Variants in ITGB3 observed in about 807,000 individuals in gnomAD.
ITGB3 encodes integrin subunit beta 3, also known as integrin beta-3.
ITGB3 carries 48 observed loss-of-function variants against 85.8 expected under a neutral mutation model. The ratio of observed to expected loss-of-function variants is 0.56; its 90% CI spans 0.44 to 0.71. The LOEUF is 0.71. Ranked by LOEUF, ITGB3 falls within the 30% of genes least tolerant of loss-of-function variation. The probability of loss-of-function intolerance (pLI) is 0.00; values close to 1 mark genes in which losing one functional copy is unlikely to be tolerated. For missense variants in ITGB3, 861 were observed against 1,019.1 expected, an observed-to-expected ratio of 0.84 and a Z score of 2.11; for synonymous variants, 363 against 395.6, an observed-to-expected ratio of 0.92 and a Z score of 0.98.
chr17:47,312,258 A>G lies in ITGB3; in HGVS notation c.*2054A>G, dbSNP rs936448969. ...TCCACATATTAGGGAAGAGGAATCC[A>G]TAAGTAGCTGAAATATCTATTCTGT... On this transcript the variant is annotated 3_prime_UTR_variant, in exon 15 of 15. Coordinates refer to ENST00000559488, the MANE Select transcript of ITGB3 (RefSeq NM_000212.3). Among the ~76,000 whole-genome samples, 1 of 152,246 alleles carries G rather than the reference A, an allele frequency of 6.6e-6. No homozygotes were observed. The highest frequency in any genetic ancestry group is 1.5e-5 in the Non-Finnish European group (1 of 68,040).
chr17:47,254,968 A>T (rs1484509888), intron 1 of ITGB3, among the ~76,000 whole-genome samples: 1 of 151,270 alleles, frequency 6.6e-6, no homozygotes, highest in Non-Finnish European at 1.5e-5. Context: ...ATTTTATTTT[A>T]TTATTTATTT....
rs2065219365 is a variant in ITGB3 at position 47,312,499 on chromosome 17, C to T, written c.*2295C>T. 6.6e-6 allele frequency among the ~76,000 whole-genome samples: 1 copy of T among 152,172 alleles called. No individual in the cohort carries two copies. Among genetic ancestry groups the T allele is most frequent in the African/African-American group, 2.4e-5 (1 of 41,438 alleles). Reference sequence around the variant, plus strand: ...TCATGCCTGTAATTATAACCTTCAGCTACTAAGACAGGTGTGGTGGCTCAC... The same window carrying T: ...TCATGCCTGTAATTATAACCTTCAGTTACTAAGACAGGTGTGGTGGCTCAC... On this transcript the variant is annotated 3_prime_UTR_variant, in exon 15 of 15. Transcript: ENST00000559488.
At chr17:47,278,406 C>A (rs1017647910) in intron 2 of ITGB3, among the ~76,000 whole-genome samples, 3 of 152,080 alleles carry the variant, frequency 2.0e-5, no homozygotes, top group Admixed American at 6.6e-5. Flanking sequence ...CATGGCAAAA[C>A]CCCGTCTCTA....
intron 1 of ITGB3, among the ~76,000 whole-genome samples, chr17:47,269,476 A>G (rs1179110514): frequency 6.6e-6 from 1 of 152,200 alleles, no homozygotes; most frequent in Non-Finnish European, 1.5e-5. Flanking sequence ...GCTCTAGGGC[A>G]GGGGCAAAAT....
chr17:47,299,666 G>A lies in ITGB3; in HGVS notation c.1913+136G>A. On this transcript the variant is annotated intron_variant, in intron 11 of 14. Coordinates refer to ENST00000559488, the MANE Select transcript of ITGB3 (RefSeq NM_000212.3). This position sits in a 1 kb window ranked among gnomAD's most constrained non-coding sequence, Gnocchi z 5.1. ...AGGAGTCCACTCCAGCCAGATGGCT[G>A]TCTCTCCTTTTGCCAAAGGCTTTGG... The A allele has an allele frequency of 1.2e-6, 1 of 863,928 alleles. No homozygotes were observed. The highest frequency in any genetic ancestry group is 1.9e-6 in the Non-Finnish European group (1 of 532,836). 53.5% of individuals were successfully genotyped at this position (863,928 alleles called of 1,614,324 possible).
chr17:47,266,409 G>A (rs1454059826), intron 1 of ITGB3, among the ~76,000 whole-genome samples: 3 of 152,086 alleles, frequency 2.0e-5, no homozygotes, highest in Admixed American at 2.0e-4. Context: ...GACGCATTAT[G>A]ACTTCCACTG....
At chr17:47,271,193 AT>A (rs1204362372) in intron 1 of ITGB3, among the ~76,000 whole-genome samples, 2 of 152,166 alleles carry the variant, frequency 1.3e-5, no homozygotes, top group African/African-American at 4.8e-5. Flanking sequence ...GAGTTAAATG[AT>A]TCACCCATGG....
At chr17:47,305,977 A>G (rs1405228718) in intron 13 of ITGB3, among the ~76,000 whole-genome samples, 1 of 152,198 alleles carries the variant, frequency 6.6e-6, no homozygotes, top group Non-Finnish European at 1.5e-5. Context: ...TACTATCTTC[A>G]TTTTAAAGAT....
intron 10 of ITGB3, among the ~76,000 whole-genome samples, chr17:47,295,912 C>T (rs952339690): frequency 6.6e-6 from 1 of 152,234 alleles, no homozygotes; most frequent in Non-Finnish European, 1.5e-5. Flanking sequence ...TAGATGTTGG[C>T]CAATGACTGA....
chr17:47,290,073 C>G, intron 7 of ITGB3, 112 bp from the exon 8 acceptor site: 1 of 871,460 alleles, frequency 1.1e-6, no homozygotes. Flanking sequence ...TTGAAATATC[C>G]CGTACCTTCC....
chr17:47,302,885 G>C, intron 13 of ITGB3, 45 bp downstream of exon 13: 1 of 1,611,400 alleles, frequency 6.2e-7, no homozygotes, highest in Non-Finnish European at 8.5e-7. Context: ...AGGAGGGAGA[G>C]GGAGAACCAT....
chr17:47,262,203 G>A (rs578231919), intron 1 of ITGB3, among the ~76,000 whole-genome samples: 1 of 152,322 alleles, frequency 6.6e-6, no homozygotes, highest in Non-Finnish European at 1.5e-5. Flanking sequence ...TGGCAGTAAG[G>A]ACTGGTGTTA....
chr17:47,290,472 G>GGA (rs34882712), intron 8 of ITGB3, among the ~76,000 whole-genome samples, 198 bp downstream of exon 8: 1 of 146,310 alleles, frequency 6.8e-6, no homozygotes, highest in South Asian at 2.2e-4. Context: ...AAGGAAGGAA[G>GGA]AGAGAAAGAA....
chr17:47,274,580 T>C, intron 2 of ITGB3, 76 bp downstream of exon 2: 4 of 1,252,160 alleles, frequency 3.2e-6, no homozygotes, highest in Non-Finnish European at 4.7e-6. Flanking sequence ...CATGAAGTTA[T>C]CACCTCCCTC....
intron 1 of ITGB3, among the ~76,000 whole-genome samples, chr17:47,260,633 G>C (rs1190719519): frequency 6.6e-6 from 1 of 152,118 alleles, no homozygotes; most frequent in Non-Finnish European, 1.5e-5. Flanking sequence ...TTGAACTCCA[G>C]GTTGAGCCTT....
rs1555574002 is a variant in ITGB3, at chr17:47,308,189, A to ATAATAATAATAATAATAAT, written c.2301+552_2301+553insTAATAATAATAATAATAAT. On this transcript the variant is annotated intron_variant, in intron 14 of 14. Coordinates refer to ENST00000559488, the MANE Select transcript of ITGB3 (RefSeq NM_000212.3). ...AATAATAATAATAATAATAATAATAAAATAAAATAAAAGGTTACTTCCAAA... is the reference window on the plus strand; with the variant it reads ...AATAATAATAATAATAATAATAATAATAATAATAATAATAATAATAATAAAATAAAAGGTTACTTCCAAA... Among the ~76,000 whole-genome samples the ATAATAATAATAATAATAAT allele has an allele frequency of 2.6e-3, 343 of 134,206 alleles. 1 individual carries two copies. Among genetic ancestry groups the ATAATAATAATAATAATAAT allele is most frequent in the Non-Finnish European group, 4.5e-3 (277 of 61,558 alleles). The allele number at this position is 134,206 out of a possible 152,430, so 88.0% of individuals were successfully genotyped here. A position where few individuals can be genotyped will look rare whatever the true frequency, so the allele number is the denominator to read the frequency against.
chr17:47,308,763 T>C (rs563991672), intron 14 of ITGB3, among the ~76,000 whole-genome samples: 10 of 152,300 alleles, frequency 6.6e-5, no homozygotes, highest in Non-Finnish European at 1.2e-4. Context: ...CCTCCCAAAG[T>C]GCTAGGATTC....
intron 2 of ITGB3, chr17:47,279,946 C>A (rs1450681261): frequency 6.6e-6 from 1 of 152,244 alleles, no homozygotes; most frequent in East Asian, 1.9e-4. Flanking sequence ...GCAGGGACAA[C>A]AGGAGGAGTC....
Position 47,310,254 on chromosome 17 carries a change from GA to G in ITGB3, c.*51del. The G allele has an allele frequency of 1.3e-6, 2 of 1,535,398 alleles. No homozygotes were observed. Among genetic ancestry groups the G allele is most frequent in the Non-Finnish European group, 9.0e-7 (1 of 1,108,728 alleles). ...TTATCAGCCTGTGCCACGATTGCAG[GA>G]GTCCCTGCCATCATGTTTACAGAGG... On this transcript the variant is annotated 3_prime_UTR_variant, in exon 15 of 15. Transcript: ENST00000559488.
Sources: allele counts gnomAD v4.1 joint callset (sites outside exome capture counted in the v4.1 genomes callset), GRCh38; gene constraint gnomAD v4.1.1; non-coding constraint Gnocchi (gnomAD v3.1); transcripts MANE v1.5; gene names NCBI Gene and HGNC (gene_info 2026-07-23, HGNC 2026-07-21).